Variants in TRIM62 observed in about 807,000 individuals in gnomAD.
The protein encoded by TRIM62 is tripartite motif containing 62.
TRIM62 carries 39 observed loss-of-function variants against 44.2 expected under a neutral mutation model. That is an observed-to-expected ratio of 0.88 (90% confidence interval 0.68 to 1.15). The LOEUF is 1.15. Among genes scored for constraint, TRIM62 ranks in the 50% most tolerant of loss-of-function variants. TRIM62 has a pLI of 0.00. For missense variants in TRIM62, 544 were observed against 665.5 expected (o/e 0.82, Z 2.01); for synonymous variants, 278 against 292.3 (o/e 0.95, Z 0.50).
At position 33,159,096 on chromosome 1, in the gene TRIM62, C is replaced by T. The variant is rs963078121; in HGVS notation, c.761+592G>A. Among the ~76,000 whole-genome samples the T allele has an allele frequency of 5.9e-5, 9 of 151,926 alleles. No individual in the cohort carries two copies. The highest frequency in any genetic ancestry group is 1.0e-4 in the Non-Finnish European group (7 of 67,996). ...CTGACCTCAGGTAATCCACCTGCCT[C>T]GGCCTCCCAAAGTGCTGGGATTACA... On this transcript the variant is annotated intron_variant, in intron 3 of 4. Transcript: ENST00000291416. The surrounding 1 kb of genome is among the most constrained non-coding windows in gnomAD (Gnocchi z 4.2).
chr1:33,161,048 G>A lies in TRIM62; in HGVS notation c.505-1104C>T, dbSNP rs1283358180. Among the ~76,000 whole-genome samples, 1 of 152,234 alleles carries A rather than the reference G, an allele frequency of 6.6e-6. No individual in the cohort carries two copies. Among genetic ancestry groups the A allele is most frequent in the Non-Finnish European group, 1.5e-5 (1 of 68,044 alleles). ...GTCTCTAGCTATGGCAACGTCAGTT[G>A]CCTAAGAGCTGTGAACCTTAGTTTT... On this transcript the variant is annotated intron_variant, in intron 2 of 4. Transcript: ENST00000291416. The surrounding 1 kb of genome is among the most constrained non-coding windows in gnomAD (Gnocchi z 4.3).
chr1:33,158,875 T>C (rs1645219410), intron 3 of TRIM62, among the ~76,000 whole-genome samples: 1 of 151,980 alleles, frequency 6.6e-6, no homozygotes, highest in African/African-American at 2.4e-5. Flanking sequence ...AGTTTCGCTC[T>C]TATTGCCCAG....
In TRIM62 at chr1:33,165,410, G is replaced by C; in HGVS notation, c.504+61C>G. ...CCGCCCCTCTTCCCCAGCTGGCCCCGCCCCTCGAAGCCCTGCCCTCATCTC... is the reference window on the plus strand; with the variant it reads ...CCGCCCCTCTTCCCCAGCTGGCCCCCCCCCTCGAAGCCCTGCCCTCATCTC... On this transcript the variant is annotated intron_variant, in intron 2 of 4. Transcript: ENST00000291416. This position sits in a 1 kb window ranked among gnomAD's most constrained non-coding sequence, Gnocchi z 4.0. 6.8e-6 allele frequency: 8 copies of C among 1,177,658 alleles called. No homozygotes were observed. Among genetic ancestry groups the C allele is most frequent in the South Asian group, 1.4e-5 (1 of 70,510 alleles). The allele number at this position is 1,177,658 out of a possible 1,614,324, so 73.0% of individuals were successfully genotyped here.
At chr1:33,176,570 C>T in intron 1 of TRIM62, 1 of 570,406 alleles carries the variant, frequency 1.8e-6, no homozygotes, top group East Asian at 2.9e-5. Context: ...AGCCGGATGC[C>T]ACGTCTGCTC....
chr1:33,158,140 C>G (rs1313635161), intron 4 of TRIM62, 113 bp downstream of exon 4: 1 of 919,492 alleles, frequency 1.1e-6, no homozygotes, highest in East Asian at 2.5e-5. Flanking sequence ...AGGTGCTCAG[C>G]AAGGCACTCT....
intron 1 of TRIM62, among the ~76,000 whole-genome samples, chr1:33,175,316 A>T (rs965788396): frequency 6.6e-6 from 1 of 151,962 alleles, no homozygotes; most frequent in Non-Finnish European, 1.5e-5. Context: ...TGCTGGGATT[A>T]CAGGCGTGGG....
At chr1:33,181,000 T>TC (rs1645457312) in intron 1 of TRIM62, 25 bp downstream of exon 1, 1 of 956,730 alleles carries the variant, frequency 1.0e-6, no homozygotes, top group Non-Finnish European at 1.4e-6. Context: ...CCCCGCCCCT[T>TC]CCCCAGGCAG....
chr1:33,159,630 C>T lies in TRIM62; in HGVS notation c.761+58G>A. 1 of 1,560,282 alleles carries T rather than the reference C, an allele frequency of 6.4e-7. No individual in the cohort carries two copies. The highest frequency in any genetic ancestry group is 1.2e-5 in the South Asian group (1 of 86,326). ...CCCATCTGCCTCCACTCCCACTGCC[C>T]AGCATGGGTCGAGGAGGGGATGGTC... On this transcript the variant is annotated intron_variant, in intron 3 of 4. Transcript: ENST00000291416. The surrounding 1 kb of genome is among the most constrained non-coding windows in gnomAD (Gnocchi z 4.2).
At position 33,159,844 on chromosome 1, in the gene TRIM62, G is replaced by A. The variant is rs201360481; in HGVS notation, c.605C>T (p.Ala202Val). 550 of 1,613,500 alleles carry A rather than the reference G, an allele frequency of 3.4e-4. 1 individual carries two copies. The East Asian group carries it at 5.1e-3, about 15-fold the overall frequency. Residue 202 changes from alanine (A) to valine (V), a missense_variant, in exon 3 of 5, where the codon GCG becomes GTG. Transcript: ENST00000291416. The surrounding 1 kb of genome is among the most constrained non-coding windows in gnomAD (Gnocchi z 4.2). ...GTCGGTCAGCGTGCGGGCCGTGTCCGCCTCCAGCTCCTCTAGCATGGCCTT... is the reference window on the plus strand; with the variant it reads ...GTCGGTCAGCGTGCGGGCCGTGTCCACCTCCAGCTCCTCTAGCATGGCCTT... ...RQKAMLEELE[A>V]DTARTLTDIE...
At chr1:33,179,204 G>T (rs1307307068) in intron 1 of TRIM62, among the ~76,000 whole-genome samples, 3 of 152,252 alleles carry the variant, frequency 2.0e-5, no homozygotes, top group Non-Finnish European at 4.4e-5. Flanking sequence ...CTAAAACGAT[G>T]GCTCTGGGGG....
intron 4 of TRIM62, among the ~76,000 whole-genome samples, chr1:33,154,755 G>A (rs1050835311): frequency 1.1e-4 from 16 of 147,350 alleles, no homozygotes; most frequent in African/African-American, 3.0e-4. Context: ...CCGAGATCAC[G>A]CCACTGCACT....
intron 4 of TRIM62, among the ~76,000 whole-genome samples, chr1:33,155,736 G>C (rs1465009049): frequency 6.6e-6 from 1 of 152,112 alleles, no homozygotes; most frequent in African/African-American, 2.4e-5. Flanking sequence ...CTCTATCCAG[G>C]TCTCTCCTCT....
At chr1:33,149,542 A>G (rs751086150) in intron 4 of TRIM62, among the ~76,000 whole-genome samples, 5 of 151,484 alleles carry the variant, frequency 3.3e-5, no homozygotes, top group Non-Finnish European at 7.4e-5. Context: ...GGAGCCTCCA[A>G]CTCCTAGGCT....
At chr1:33,166,696 A>C (rs1645330462) in intron 1 of TRIM62, among the ~76,000 whole-genome samples, 1 of 152,178 alleles carries the variant, frequency 6.6e-6, no homozygotes, top group African/African-American at 2.4e-5. Context: ...TCTTGATGCC[A>C]GGTGACACGT....
intron 1 of TRIM62, among the ~76,000 whole-genome samples, chr1:33,172,027 C>G (rs903470018): frequency 6.6e-6 from 1 of 152,154 alleles, no homozygotes; most frequent in African/African-American, 2.4e-5. Flanking sequence ...AGTGATCTGC[C>G]TACCTTGGCC....
In TRIM62 at chr1:33,165,348, C is replaced by T. The variant is rs1020296311; in HGVS notation, c.504+123G>A. On this transcript the variant is annotated intron_variant, in intron 2 of 4. Transcript: ENST00000291416. This position sits in a 1 kb window ranked among gnomAD's most constrained non-coding sequence, Gnocchi z 4.0. ...CCTGCCCTTCTCACTCCAGGTTTGG[C>T]TCCTTGAAGCCAGGTTTCCACCGCA... 2.2e-6 allele frequency: 2 copies of T among 896,046 alleles called. No individual in the cohort carries two copies. The highest frequency in any genetic ancestry group is 1.7e-6 in the Non-Finnish European group (1 of 602,228). 55.5% of individuals were successfully genotyped at this position (896,046 alleles called of 1,614,324 possible). A position where few individuals can be genotyped will look rare whatever the true frequency, so the allele number is the denominator to read the frequency against.
chr1:33,171,343 C>T (rs1645373420), intron 1 of TRIM62, among the ~76,000 whole-genome samples: 1 of 152,180 alleles, frequency 6.6e-6, no homozygotes, highest in Non-Finnish European at 1.5e-5. Flanking sequence ...ACCTAATTCT[C>T]ACAACAATCC....
chr1:33,174,998 CAT>C (rs1491551416), intron 1 of TRIM62, among the ~76,000 whole-genome samples: 13 of 40,706 alleles, frequency 3.2e-4, no homozygotes, highest in Non-Finnish European at 4.5e-4. Flanking sequence ...TGCACACACA[CAT>C]GTATGTATAT....
rs1645331256 is a variant in TRIM62 at position 33,166,785 on chromosome 1, A to T, written c.409-1219T>A. ...ATATCAAAATTTTAAATAAAAACACAATCAGCCTCACTGATTTTTCCTTTG... is the reference window on the plus strand; with the variant it reads ...ATATCAAAATTTTAAATAAAAACACTATCAGCCTCACTGATTTTTCCTTTG... On this transcript the variant is annotated intron_variant, in intron 1 of 4. Transcript: ENST00000291416. Among the ~76,000 whole-genome samples, 3 of 152,172 alleles carry T rather than the reference A, an allele frequency of 2.0e-5. 1 individual carries two copies. Among genetic ancestry groups the T allele is most frequent in the Admixed American group, 6.5e-5 (1 of 15,280 alleles).
Sources: allele counts gnomAD v4.1 joint callset (sites outside exome capture counted in the v4.1 genomes callset), GRCh38; gene constraint gnomAD v4.1.1; non-coding constraint Gnocchi (gnomAD v3.1); transcripts MANE v1.5; gene names NCBI Gene and HGNC (gene_info 2026-07-23, HGNC 2026-07-21).